RABGAP1: variants seen among roughly 807,000 people sequenced by gnomAD.
RABGAP1 encodes RAB GTPase activating protein 1.
RABGAP1 carries 23 observed loss-of-function variants against 137.6 expected under a neutral mutation model. That is an observed-to-expected ratio of 0.17 (90% confidence interval 0.12 to 0.24). RABGAP1 has a LOEUF of 0.24. RABGAP1 is among the 10% of genes least tolerant of loss of function. The pLI, the probability that RABGAP1 is intolerant of heterozygous loss-of-function variation, is 1.00. For synonymous variants in RABGAP1, 451 were observed against 450.7 expected (o/e 1.00, Z -0.01); for missense variants, 906 against 1,275.8 (o/e 0.71, Z 4.42).
intron 19 of RABGAP1, among the ~76,000 whole-genome samples, chr9:123,079,849 A>G (rs748906633): frequency 2.0e-5 from 3 of 152,138 alleles, no homozygotes; most frequent in Non-Finnish European, 4.4e-5. Context: ...TTATGCCATT[A>G]CGTCCTTATC....
the RABGAP1 span, among the ~76,000 whole-genome samples, chr9:122,933,942 T>G: frequency 6.6e-6 from 1 of 150,960 alleles, no homozygotes; most frequent in African/African-American, 2.4e-5. Flanking sequence ...GAAAAAAAAA[T>G]TTTTTTGTAG....
Position 123,097,835 on chromosome 9 carries a change from A to T in RABGAP1, c.2723A>T (p.Glu908Val). Residue 908 changes from glutamate (E) to valine (V), a missense_variant, in exon 22 of 26, where the codon GAG becomes GTG. Coordinates refer to ENST00000373647, the MANE Select transcript of RABGAP1 (RefSeq NM_012197.4). ...AEEEKRRLEE[E>V]SAQLKEMCRR... ...GAAGAGAAAAGACGGCTGGAAGAAGAGTCTGCTCAGGTAAGGGAACTCTCC... is the reference window on the plus strand; with the variant it reads ...GAAGAGAAAAGACGGCTGGAAGAAGTGTCTGCTCAGGTAAGGGAACTCTCC... The T allele has an allele frequency of 6.2e-7, 1 of 1,613,326 alleles. No individual in the cohort carries two copies. The highest frequency in any genetic ancestry group is 8.5e-7 in the Non-Finnish European group (1 of 1,179,698).
chr9:122,963,545 A>AT (rs1460931973), intron 2 of RABGAP1, among the ~76,000 whole-genome samples: 3 of 152,240 alleles, frequency 2.0e-5, no homozygotes, highest in Admixed American at 6.5e-5. Flanking sequence ...AGAAAAAAAA[A>AT]GGAAGTTAGA....
intron 4 of RABGAP1, among the ~76,000 whole-genome samples, chr9:122,988,445 G>A (rs1283083785): frequency 6.6e-6 from 1 of 151,274 alleles, no homozygotes; most frequent in Non-Finnish European, 1.5e-5. Context: ...ATTTTTGAAT[G>A]AATGCTATCC....
At chr9:123,083,780 G>A (rs1449437922) in intron 19 of RABGAP1, among the ~76,000 whole-genome samples, 4 of 152,168 alleles carry the variant, frequency 2.6e-5, no homozygotes, top group Admixed American at 6.5e-5. Flanking sequence ...GGTTAACATC[G>A]CAGGGTTGTG....
intron 6 of RABGAP1, among the ~76,000 whole-genome samples, chr9:122,995,573 T>TTA (rs1006560173): frequency 2.0e-5 from 3 of 147,012 alleles, no homozygotes; most frequent in Non-Finnish European, 4.5e-5. Context: ...ATGATTTTTT[T>TTA]TTTTTTTTTT....
At chr9:123,085,912 A>C (rs2034850546) in intron 19 of RABGAP1, among the ~76,000 whole-genome samples, 1 of 152,162 alleles carries the variant, frequency 6.6e-6, no homozygotes, top group Non-Finnish European at 1.5e-5. Flanking sequence ...TTAAGGTAAA[A>C]AGGAAGCCTT....
At chr9:123,076,361 T>A (rs1188921741) in intron 18 of RABGAP1, 75 bp downstream of exon 18, 1 of 1,496,790 alleles carries the variant, frequency 6.7e-7, no homozygotes, top group Non-Finnish European at 9.2e-7. Flanking sequence ...TGTAGTCTCA[T>A]TCTGAGCAGT....
intron 19 of RABGAP1, among the ~76,000 whole-genome samples, chr9:123,079,564 G>A (rs2034644483): frequency 6.6e-6 from 1 of 152,054 alleles, no homozygotes; most frequent in African/African-American, 2.4e-5. Context: ...AATTTTTGTT[G>A]TTGTGATGTG....
rs745665070 is a variant in RABGAP1, at chr9:123,103,224, C to T, written c.*11C>T. ...AAAGAGACTTGCTGAGAGCAGCTGC[C>T]GCCTCCCGACACCTTCAGAAAACAC... is the stretch of plus-strand genomic sequence containing the variant. On this transcript the variant is annotated 3_prime_UTR_variant, in exon 26 of 26. Coordinates refer to ENST00000373647, the MANE Select transcript of RABGAP1 (RefSeq NM_012197.4). 76 of 1,613,034 alleles carry T rather than the reference C, an allele frequency of 4.7e-5. No homozygotes were observed. The highest frequency in any genetic ancestry group is 1.6e-4 in the Middle Eastern group (1 of 6,076).
chr9:123,057,979 C>T (rs1050455133), intron 13 of RABGAP1, among the ~76,000 whole-genome samples: 2 of 151,020 alleles, frequency 1.3e-5, no homozygotes, highest in Non-Finnish European at 3.0e-5. Context: ...GGCAGGGAGG[C>T]TGCAGTGAGC....
intron 2 of RABGAP1, among the ~76,000 whole-genome samples, chr9:122,969,078 G>T (rs1274717715): frequency 1.3e-5 from 2 of 152,132 alleles, no homozygotes; most frequent in Non-Finnish European, 2.9e-5. Flanking sequence ...ACAACCAACT[G>T]CATGTATGAA....
At chr9:123,035,044 G>T in intron 13 of RABGAP1, 1 of 1,614,000 alleles carries the variant, frequency 6.2e-7, no homozygotes, top group Non-Finnish European at 8.5e-7. Context: ...CTCGACCCTG[G>T]TCTTCCTGCC....
chr9:122,993,215 TATG>T (rs1423816346), intron 6 of RABGAP1, among the ~76,000 whole-genome samples: 1 of 152,152 alleles, frequency 6.6e-6, no homozygotes, highest in Non-Finnish European at 1.5e-5. Flanking sequence ...ATAGACAAAG[TATG>T]ATGAGAATAA....
At chr9:122,964,591 T>C (rs1314834104) in intron 2 of RABGAP1, among the ~76,000 whole-genome samples, 2 of 152,130 alleles carry the variant, frequency 1.3e-5, no homozygotes, top group East Asian at 3.9e-4. Context: ...TAAAGGACAT[T>C]TACAGAAAGC....
intron 13 of RABGAP1, among the ~76,000 whole-genome samples, chr9:123,044,665 A>T (rs1276696867): frequency 6.8e-6 from 1 of 146,260 alleles, no homozygotes; most frequent in African/African-American, 2.8e-5. Flanking sequence ...ATGTGTATGT[A>T]TATGAGTATG....
intron 10 of RABGAP1, among the ~76,000 whole-genome samples, chr9:123,003,059 T>C (rs535126117): frequency 6.6e-6 from 1 of 152,284 alleles, no homozygotes; most frequent in African/African-American, 2.4e-5. Context: ...ATGGGAAGAA[T>C]TTGAACAACT....
At chr9:122,993,726 C>T (rs1460926347) in intron 6 of RABGAP1, among the ~76,000 whole-genome samples, 1 of 152,034 alleles carries the variant, frequency 6.6e-6, no homozygotes, top group Non-Finnish European at 1.5e-5. Flanking sequence ...TACAGTGGCG[C>T]AGTCTCGGCT....
intron 1 of RABGAP1, among the ~76,000 whole-genome samples, chr9:122,945,028 T>C (rs927444168): frequency 6.6e-6 from 1 of 152,026 alleles, no homozygotes; most frequent in Non-Finnish European, 1.5e-5. Context: ...GCTTTGTATG[T>C]AGTTACCTTG....
Sources: gnomAD v4.1 joint callset for allele counts (sites outside exome capture counted in the v4.1 genomes callset) on GRCh38, gnomAD v4.1.1 for gene constraint, MANE v1.5 for transcripts, NCBI Gene and HGNC (gene_info 2026-07-23, HGNC 2026-07-21) for gene names.